SLC19A3: variants seen among roughly 807,000 people sequenced by gnomAD.
SLC19A3 encodes the protein solute carrier family 19 member 3, also known as thiamine transporter 2.
Under a neutral mutation model 40.2 loss-of-function variants are expected in SLC19A3, and 31 were observed. The ratio of observed to expected loss-of-function variants is 0.77; its 90% CI spans 0.58 to 1.04. The LOEUF (loss-of-function observed/expected upper bound fraction) is 1.04. Among genes scored for constraint, SLC19A3 ranks in the 50% least tolerant of loss-of-function variants. SLC19A3 has a pLI of 0.00. For missense variants in SLC19A3, 592 were observed against 596.7 expected, an observed-to-expected ratio of 0.99 and a Z score of 0.08; for synonymous variants, 212 against 227.5, an observed-to-expected ratio of 0.93 and a Z score of 0.61.
intron 1 of SLC19A3, among the ~76,000 whole-genome samples, chr2:227,716,749 T>C (rs1696347389): frequency 6.6e-6 from 1 of 152,132 alleles, no homozygotes; most frequent in Non-Finnish European, 1.5e-5. Context: ...TGTGTGCATG[T>C]TAAATAAATG....
chr2:227,694,314 T>C (rs1325556717), intron 4 of SLC19A3, among the ~76,000 whole-genome samples: 1 of 150,832 alleles, frequency 6.6e-6, no homozygotes, highest in South Asian at 2.1e-4. Context: ...GCCGTGAATA[T>C]TTTTTTTTAA....
chr2:227,716,167 T>C (rs893494124), intron 1 of SLC19A3, among the ~76,000 whole-genome samples: 3 of 152,132 alleles, frequency 2.0e-5, no homozygotes, highest in Admixed American at 2.0e-4. Context: ...CTGATGGCAA[T>C]GTTAAGTAAT....
At chr2:227,705,831 C>T (rs935400355) in intron 1 of SLC19A3, among the ~76,000 whole-genome samples, 1 of 152,070 alleles carries the variant, frequency 6.6e-6, no homozygotes, top group African/African-American at 2.4e-5. Context: ...TGTAACAAAC[C>T]TGCACATCCT....
In SLC19A3 at chr2:227,699,327, C is replaced by T. The variant is rs1247579454; in HGVS notation, c.388G>A (p.Val130Met). 5.6e-6 allele frequency: 9 copies of T among 1,614,030 alleles called. No homozygotes were observed. Among genetic ancestry groups the T allele is most frequent in the South Asian group, 5.5e-5 (5 of 91,092 alleles). The change falls in exon 3 of 6, where the codon GTG (valine) becomes ATG (methionine). Residue 130 changes from valine to methionine, a missense_variant. Coordinates refer to ENST00000644224, the MANE Select transcript of SLC19A3 (RefSeq NM_025243.4). ...EVAYYAYIYS[V>M]VSPEHYQRVS... ...CTCTGGTAGTGCTCGGGGCTGACCA[C>T]GCTGTATATGTAGGCGTAGTAGGCC...
intron 1 of SLC19A3, among the ~76,000 whole-genome samples, chr2:227,713,755 C>T (rs956563556): frequency 6.7e-6 from 1 of 148,764 alleles, no homozygotes; most frequent in Non-Finnish European, 1.5e-5. Context: ...CAACAGAAAA[C>T]AGATTAAGAA....
chr2:227,698,724 A>G lies in SLC19A3; in HGVS notation c.979+12T>C. 1 of 1,607,658 alleles carries G rather than the reference A, an allele frequency of 6.2e-7. No homozygotes were observed. The highest frequency in any genetic ancestry group is 8.5e-7 in the Non-Finnish European group (1 of 1,175,240). ...AAAGCCAACAAAGGAAGATTAAGTG[A>G]CATTTGCTTACCTCCAAAGGTTGCA... On this transcript the variant is annotated intron_variant, in intron 3 of 5. Transcript: ENST00000644224.
Position 227,717,959 on chromosome 2 carries a change from CT to C in SLC19A3, c.-20del, listed in dbSNP as rs1358870829. On this transcript the variant is annotated 5_prime_UTR_variant, in exon 1 of 6. Coordinates refer to ENST00000644224, the MANE Select transcript of SLC19A3 (RefSeq NM_025243.4). Reference sequence around the variant, plus strand: ...TATTCTTACCTACAGAAGGGAGTGTCTGTTCACCAAATCGCTCACTTGCCGC... The same window carrying C: ...TATTCTTACCTACAGAAGGGAGTGTCGTTCACCAAATCGCTCACTTGCCGC... 58 of 985,442 alleles carry C rather than the reference CT, an allele frequency of 5.9e-5. No individual in the cohort carries two copies. In the South Asian group the frequency reaches 2.3e-3, roughly 39 times the overall value. The allele number at this position is 985,442 out of a possible 1,614,324, so 61.0% of individuals were successfully genotyped here.
chr2:227,695,638 C>T (rs1173549669), intron 4 of SLC19A3: 57 of 487,730 alleles, frequency 1.2e-4, no homozygotes, highest in Non-Finnish European at 1.1e-5. Context: ...AAAAACCTGA[C>T]AATGTATCAC....
intron 1 of SLC19A3, among the ~76,000 whole-genome samples, chr2:227,715,685 G>A (rs1696310343): frequency 6.6e-6 from 1 of 152,126 alleles, no homozygotes; most frequent in Non-Finnish European, 1.5e-5. Flanking sequence ...GGGAGAGCAG[G>A]AGGAATATGC....
Position 227,699,133 on chromosome 2 carries a change from C to T in SLC19A3, c.582G>A (p.Lys194=), listed in dbSNP as rs754828557. The T allele has an allele frequency of 6.2e-7, 1 of 1,614,142 alleles. No homozygotes were observed. Among genetic ancestry groups the T allele is most frequent in the Non-Finnish European group, 8.5e-7 (1 of 1,180,044 alleles). ...FLFSLFLPMP[K]KSMFFHAKPS... ...GTTTTGCATGAAAAAACATGCTTTT[C>T]TTGGGCATTGGTAGGAAAAGTGAGA... The change falls in exon 3 of 6, where the codon AAG becomes AAA. Residue 194 remains lysine, a synonymous_variant. Coordinates refer to ENST00000644224, the MANE Select transcript of SLC19A3 (RefSeq NM_025243.4).
chr2:227,710,277 A>G (rs755557467), intron 1 of SLC19A3, among the ~76,000 whole-genome samples: 2 of 152,204 alleles, frequency 1.3e-5, no homozygotes, highest in African/African-American at 2.4e-5. Flanking sequence ...CCAGGCAGCC[A>G]TCTGAGAAAT....
intron 3 of SLC19A3, among the ~76,000 whole-genome samples, chr2:227,698,126 T>C (rs1181662716): frequency 6.6e-6 from 1 of 152,020 alleles, no homozygotes; most frequent in South Asian, 2.1e-4. Flanking sequence ...AAAGTCACAG[T>C]ATTCTTATTT....
chr2:227,701,178 T>C (rs1695672661), intron 2 of SLC19A3: 2 of 1,097,522 alleles, frequency 1.8e-6, no homozygotes, highest in Non-Finnish European at 2.4e-6. Flanking sequence ...CTTTCTGTCT[T>C]TGCCACCTCA....
intron 4 of SLC19A3, among the ~76,000 whole-genome samples, chr2:227,691,848 G>A (rs1387416556): frequency 2.6e-5 from 4 of 152,056 alleles, no homozygotes; most frequent in Non-Finnish European, 5.9e-5. Context: ...CTAAGAAAAA[G>A]AGAGAAGTCC....
In SLC19A3 at chr2:227,687,393, G is replaced by A; in HGVS notation, c.*4C>T. 6.3e-7 allele frequency: 1 copy of A among 1,594,626 alleles called. No homozygotes were observed. The stretch of plus-strand genomic sequence containing the variant: ...AAGCCACTGTTGCGTTTGTTGCGAT[G>A]AGGTTAGAGTTTTGTTGACATGATG... On this transcript the variant is annotated 3_prime_UTR_variant, in exon 6 of 6. Coordinates refer to ENST00000644224, the MANE Select transcript of SLC19A3 (RefSeq NM_025243.4).
chr2:227,702,349 A>C (rs963417357), intron 1 of SLC19A3, 29 bp from the exon 2 acceptor site: 1 of 1,611,970 alleles, frequency 6.2e-7, no homozygotes, highest in Admixed American at 1.7e-5. Flanking sequence ...AGAGAAAATT[A>C]AGTGATGCTT....
intron 1 of SLC19A3, 54 bp from the exon 2 acceptor site, chr2:227,702,374 C>A (rs1695733111): frequency 6.3e-7 from 1 of 1,577,410 alleles, no homozygotes; most frequent in African/African-American, 1.4e-5. Flanking sequence ...TTTTTAGCAT[C>A]CTTGATGCGA....
chr2:227,687,241 T>C lies in SLC19A3; in HGVS notation c.*156A>G. On this transcript the variant is annotated 3_prime_UTR_variant, in exon 6 of 6. Transcript: ENST00000644224. ...TAAAATTGGTCACATAGAGAACTCA[T>C]CTAAAACTGAGGTTTTGTTGTGGTT... is the stretch of plus-strand genomic sequence containing the variant. The C allele has an allele frequency of 1.4e-6, 1 of 720,488 alleles. No homozygotes were observed. Among genetic ancestry groups the C allele is most frequent in the East Asian group, 2.7e-5 (1 of 37,674 alleles). 44.6% of individuals were successfully genotyped at this position (720,488 alleles called of 1,614,324 possible). A position where few individuals can be genotyped will look rare whatever the true frequency, so the allele number is the denominator to read the frequency against.
chr2:227,717,820 C>G (rs1696382704), intron 1 of SLC19A3, 123 bp downstream of exon 1: 1 of 763,978 alleles, frequency 1.3e-6, no homozygotes, highest in Non-Finnish European at 1.6e-6. Context: ...AGAGTGTAGC[C>G]CAGGCCCGCA....
Sources: gnomAD v4.1 joint callset for allele counts (sites outside exome capture counted in the v4.1 genomes callset) on GRCh38, gnomAD v4.1.1 for gene constraint, MANE v1.5 for transcripts, NCBI Gene and HGNC (gene_info 2026-07-23, HGNC 2026-07-21) for gene names.